TENM1: variants seen among roughly 807,000 people sequenced by gnomAD.
The protein encoded by TENM1 is teneurin transmembrane protein 1.
In TENM1, 35 loss-of-function variants were observed where a neutral mutation model predicts 174.8. That is an observed-to-expected ratio of 0.20 (90% CI 0.15 to 0.27). The LOEUF (loss-of-function observed/expected upper bound fraction) is 0.27. Ranked by LOEUF, TENM1 falls within the 10% of genes least tolerant of loss-of-function variation. TENM1 has a pLI of 1.00. For missense variants in TENM1, 1,633 were observed against 2,130.1 expected (o/e 0.77, Z 4.59); for synonymous variants, 781 against 798.7 (o/e 0.98, Z 0.37).
At chrX:124,528,903 C>T (rs2048041520) in intron 16 of TENM1, among the ~76,000 whole-genome samples, 1 of 111,435 alleles carries the variant, frequency 9.0e-6, no homozygotes, top group Non-Finnish European at 1.9e-5. Flanking sequence ...TAAGTACTTT[C>T]TTGACAGGCT....
At chrX:124,776,561 C>A (rs1021181335) in intron 3 of TENM1, among the ~76,000 whole-genome samples, 1 of 111,699 alleles carries the variant, frequency 9.0e-6, no homozygotes, top group Admixed American at 9.5e-5. Context: ...TAAACCTTTT[C>A]GATGAATATC....
chrX:124,630,506 G>T (rs73634524), intron 11 of TENM1, among the ~76,000 whole-genome samples: 4,616 of 111,816 alleles, frequency 0.041, 218 homozygotes, highest in African/African-American at 0.14. Context: ...CCACTTAGAG[G>T]AAAAATGCTA....
rs34542293 is a variant in TENM1 at position 124,952,335 on chromosome X, G to GGTGT, written c.217+11198_217+11201dup. ...TCACTTCACTGTTCCTTATGTATGGGGTGTGTGTGTGTGTGTGTGTGTGTG... is the reference window on the plus strand; with the variant it reads ...TCACTTCACTGTTCCTTATGTATGGGGTGTGTGTGTGTGTGTGTGTGTGTGTGTG... On this transcript the variant is annotated intron_variant, in intron 1 of 31. Transcript: ENST00000422452. Among the ~76,000 whole-genome samples, 298 of 98,813 alleles carry GGTGT rather than the reference G, an allele frequency of 3.0e-3. 3 individuals carry two copies. Among genetic ancestry groups the GGTGT allele is most frequent in the East Asian group, 0.021 (66 of 3,121 alleles). 85.8% of individuals were successfully genotyped at this position (98,813 alleles called of 115,157 possible).
intron 1 of TENM1, among the ~76,000 whole-genome samples, chrX:124,945,853 G>T (rs1458352874): frequency 8.9e-6 from 1 of 111,910 alleles, no homozygotes; most frequent in East Asian, 2.8e-4. Context: ...GTGAAATAAA[G>T]AAGTGAGGCA....
intron 11 of TENM1, among the ~76,000 whole-genome samples, chrX:124,634,951 CAT>C (rs949275445): frequency 8.1e-5 from 9 of 111,643 alleles, no homozygotes; most frequent in African/African-American, 2.3e-4. Flanking sequence ...CACACATACA[CAT>C]GTTTATGTGT....
At chrX:125,064,478 A>G in the TENM1 span, among the ~76,000 whole-genome samples, 29 of 111,575 alleles carry the variant, frequency 2.6e-4, no homozygotes, top group African/African-American at 8.8e-4. Flanking sequence ...GTTTATGGGG[A>G]CAATGCCCTC....
At chrX:124,479,114 G>A (rs748688094) in intron 22 of TENM1, among the ~76,000 whole-genome samples, 20 of 112,300 alleles carry the variant, frequency 1.8e-4, no homozygotes, top group African/African-American at 6.5e-4. Context: ...ACTGATGGCT[G>A]GACAGAGGTT....
At chrX:125,072,047 C>T in the TENM1 span, among the ~76,000 whole-genome samples, 1 of 111,221 alleles carries the variant, frequency 9.0e-6, no homozygotes, top group African/African-American at 3.3e-5. Flanking sequence ...TATTTAAGGT[C>T]ATACAGCTTG....
intron 17 of TENM1, among the ~76,000 whole-genome samples, chrX:124,520,985 G>A (rs968133867): frequency 9.0e-6 from 1 of 111,207 alleles, no homozygotes; most frequent in Non-Finnish European, 1.9e-5. Context: ...AACCTGAATG[G>A]AGACAAGACC....
chrX:125,006,550 T>C, the TENM1 span, among the ~76,000 whole-genome samples: 1 of 112,115 alleles, frequency 8.9e-6, no homozygotes, highest in Non-Finnish European at 1.9e-5. Context: ...AGTGGGTCCC[T>C]GGCCCCATGC....
At chrX:124,891,404 T>C (rs1369029206) in intron 3 of TENM1, among the ~76,000 whole-genome samples, 1 of 111,432 alleles carries the variant, frequency 9.0e-6, no homozygotes, top group African/African-American at 3.3e-5. Context: ...TCACATGTTG[T>C]AACCCCAGCA....
chrX:124,618,341 T>A, intron 11 of TENM1, among the ~76,000 whole-genome samples: 1 of 112,186 alleles, frequency 8.9e-6, no homozygotes. Context: ...TGTATTTACT[T>A]AAGCTTTATA....
intron 18 of TENM1, among the ~76,000 whole-genome samples, chrX:124,519,395 GTC>G (rs764225363): frequency 7.4e-5 from 8 of 108,315 alleles, no homozygotes; most frequent in Middle Eastern, 4.8e-3. Context: ...AGAGTCATTA[GTC>G]TCTCTCTCTC....
the TENM1 span, among the ~76,000 whole-genome samples, chrX:125,165,903 T>C: frequency 1.0e-3 from 111 of 111,326 alleles, no homozygotes; most frequent in African/African-American, 3.5e-3. Flanking sequence ...TTCAAATGAT[T>C]TGATGCTGAT....
At chrX:125,033,855 T>C in the TENM1 span, among the ~76,000 whole-genome samples, 1 of 111,993 alleles carries the variant, frequency 8.9e-6, no homozygotes, top group Non-Finnish European at 1.9e-5. Flanking sequence ...TGTACCTCTT[T>C]TTGGGCTGCA....
At chrX:124,971,310 A>G in the TENM1 span, among the ~76,000 whole-genome samples, 1 of 111,177 alleles carries the variant, frequency 9.0e-6, no homozygotes, top group Admixed American at 9.5e-5. Context: ...GTACATAATC[A>G]CCTAATCTCC....
chrX:124,754,474 T>G (rs1416657824), intron 3 of TENM1, among the ~76,000 whole-genome samples: 1 of 111,579 alleles, frequency 9.0e-6, no homozygotes, highest in Non-Finnish European at 1.9e-5. Context: ...GGGTTTTTTG[T>G]GTCTCTATTT....
intron 18 of TENM1, among the ~76,000 whole-genome samples, chrX:124,511,749 C>T (rs767612662): frequency 8.9e-6 from 1 of 112,200 alleles, no homozygotes; most frequent in South Asian, 3.8e-4. Flanking sequence ...GGCTGCCCAA[C>T]CTGCTTAGGT....
intron 13 of TENM1, among the ~76,000 whole-genome samples, chrX:124,563,170 G>T (rs1041014693): frequency 5.4e-5 from 6 of 110,205 alleles, no homozygotes; most frequent in Non-Finnish European, 1.9e-5. Flanking sequence ...TGAAGCTGAG[G>T]TAATGAAAGG....
Sources: gnomAD v4.1 joint callset for allele counts (sites outside exome capture counted in the v4.1 genomes callset) on GRCh38, gnomAD v4.1.1 for gene constraint, MANE v1.5 for transcripts, NCBI Gene and HGNC (gene_info 2026-07-23, HGNC 2026-07-21) for gene names.